PTPRD: variants seen among roughly 807,000 people sequenced by gnomAD.
The protein encoded by PTPRD is protein tyrosine phosphatase receptor type D.
In PTPRD, 34 loss-of-function variants were observed where a neutral mutation model predicts 214.5. The observed-to-expected ratio is 0.16, with a 90% CI of 0.12 to 0.21. PTPRD has a LOEUF of 0.21. Among genes scored for constraint, PTPRD ranks in the 10% least tolerant of loss-of-function variants. PTPRD has a pLI of 1.00. For synonymous variants in PTPRD, 1,128 were observed against 845.7 expected, an observed-to-expected ratio of 1.33 and a Z score of -5.79; for missense variants, 2,545 against 2,398.7, an observed-to-expected ratio of 1.06 and a Z score of -1.27.
rs537133609 is a variant in PTPRD, at chr9:9,367,710, G to C, written c.-203+29739C>G. 1.1e-4 allele frequency among the ~76,000 whole-genome samples: 16 copies of C among 151,692 alleles called. No individual in the cohort carries two copies. The East Asian group carries it at 3.1e-3, about 30-fold the overall frequency. Reference sequence around the variant, plus strand: ...AGAGACGTGTTCGGACAAAAAAATAGCTCCAATTTCCTGGGTGTGGAGAGG... The same window carrying C: ...AGAGACGTGTTCGGACAAAAAAATACCTCCAATTTCCTGGGTGTGGAGAGG... On this transcript the variant is annotated intron_variant, in intron 9 of 45. Coordinates refer to ENST00000381196, the MANE Select transcript of PTPRD (RefSeq NM_002839.4).
chr9:9,401,683 C>T (rs1489861413), intron 8 of PTPRD, among the ~76,000 whole-genome samples: 1 of 151,848 alleles, frequency 6.6e-6, no homozygotes, highest in East Asian at 1.9e-4. Context: ...ACCGGAATCG[C>T]ATCTTGAATT....
Position 8,315,077 on chromosome 9 carries a change from G to A in PTPRD, c.*2797C>T, listed in dbSNP as rs1820976341. 4.3e-6 allele frequency: 1 copy of A among 232,396 alleles called. No homozygotes were observed. Among genetic ancestry groups the A allele is most frequent in the Non-Finnish European group, 8.5e-6 (1 of 117,334 alleles). The allele number at this position is 232,396 out of a possible 1,614,324, so 14.4% of individuals were successfully genotyped here. A position where few individuals can be genotyped will look rare whatever the true frequency, so the allele number is the denominator to read the frequency against. On this transcript the variant is annotated 3_prime_UTR_variant, in exon 46 of 46. Transcript: ENST00000381196. ...ATAATAGCACCGTACTGGTTATGAT[G>A]ATGAAAATAACTGGAAACTTGAAAG...
intron 3 of PTPRD, among the ~76,000 whole-genome samples, chr9:10,308,701 G>A (rs2154415417): frequency 6.6e-6 from 1 of 152,146 alleles, no homozygotes. Context: ...ATCATGGGAT[G>A]TCTTTTCATT....
chr9:9,731,695 A>G (rs112716839), intron 7 of PTPRD, among the ~76,000 whole-genome samples: 2,637 of 152,266 alleles, frequency 0.017, 82 homozygotes, highest in African/African-American at 0.059. Context: ...ACATCTCAGC[A>G]AACTATCACA....
At chr9:10,600,466 C>T (rs1227967948) in intron 2 of PTPRD, among the ~76,000 whole-genome samples, 1 of 151,668 alleles carries the variant, frequency 6.6e-6, no homozygotes, top group African/African-American at 2.4e-5. Flanking sequence ...GATGTTAGAG[C>T]AACATCTCCA....
At chr9:9,577,321 T>G (rs995501756) in intron 7 of PTPRD, among the ~76,000 whole-genome samples, 19 of 152,164 alleles carry the variant, frequency 1.2e-4, no homozygotes, top group Admixed American at 2.6e-4. Context: ...CTCAGCACTT[T>G]GGGAGGCTGA....
chr9:10,459,190 T>C (rs1256571290), intron 2 of PTPRD, among the ~76,000 whole-genome samples: 3 of 152,136 alleles, frequency 2.0e-5, no homozygotes, highest in Non-Finnish European at 4.4e-5. Context: ...AGAATGATGG[T>C]TCCTAGCTTC....
chr9:10,596,772 A>G (rs1335042507), intron 2 of PTPRD, among the ~76,000 whole-genome samples: 1 of 151,598 alleles, frequency 6.6e-6, no homozygotes, highest in African/African-American at 2.4e-5. Flanking sequence ...ATATGTGAGA[A>G]CTGGCTAAAT....
chr9:8,411,750 A>C (rs916473357), intron 35 of PTPRD, among the ~76,000 whole-genome samples: 5 of 152,232 alleles, frequency 3.3e-5, no homozygotes, highest in African/African-American at 1.2e-4. Flanking sequence ...TTAGCTATTT[A>C]TCTCCTACAT....
chr9:9,844,379 T>C (rs969106711), intron 5 of PTPRD, among the ~76,000 whole-genome samples: 2 of 151,918 alleles, frequency 1.3e-5, no homozygotes, highest in African/African-American at 2.4e-5. Context: ...CTAATTTATA[T>C]AGGAAACTTT....
At chr9:9,907,881 G>C (rs115406245) in intron 5 of PTPRD, among the ~76,000 whole-genome samples, 1 of 151,868 alleles carries the variant, frequency 6.6e-6, no homozygotes, top group Non-Finnish European at 1.5e-5. Context: ...ATGTATTATA[G>C]AATTATAAAT....
In PTPRD at chr9:9,393,656, G is replaced by C. The variant is rs149133292; in HGVS notation, c.-203+3793C>G. ...TCCATAGCAACAGATAATTGATATA[G>C]TTGGGTTAAATTCAGCCTCCATTAT... On this transcript the variant is annotated intron_variant, in intron 9 of 45. Transcript: ENST00000381196. Among the ~76,000 whole-genome samples the C allele has an allele frequency of 6.3e-4, 96 of 152,252 alleles. 2 individuals are homozygous for C. In the East Asian group the frequency reaches 0.016, roughly 26 times the overall value.
intron 12 of PTPRD, among the ~76,000 whole-genome samples, chr9:8,664,385 G>A (rs1377735120): frequency 1.3e-5 from 2 of 152,310 alleles, no homozygotes; most frequent in East Asian, 1.9e-4. Context: ...GAGAACACAA[G>A]TGTGTAGATG....
intron 2 of PTPRD, among the ~76,000 whole-genome samples, chr9:10,394,056 TTATA>T (rs66596655): frequency 4.4e-4 from 62 of 140,062 alleles, no homozygotes; most frequent in Admixed American, 1.2e-3. Context: ...TATATACATA[TTATA>T]TATATATATA....
intron 9 of PTPRD, among the ~76,000 whole-genome samples, chr9:9,204,654 A>G (rs963134762): frequency 6.6e-6 from 1 of 152,192 alleles, no homozygotes; most frequent in Non-Finnish European, 1.5e-5. Flanking sequence ...AAACCAGTCA[A>G]TTCAATGATG....
At chr9:9,292,345 G>T (rs184755835) in intron 9 of PTPRD, among the ~76,000 whole-genome samples, 1 of 151,368 alleles carries the variant, frequency 6.6e-6, no homozygotes, top group East Asian at 2.0e-4. Context: ...GTCACTTTCC[G>T]CATGATGTAG....
intron 14 of PTPRD, among the ~76,000 whole-genome samples, chr9:8,614,570 T>A (rs1381456050): frequency 6.6e-6 from 1 of 152,192 alleles, no homozygotes; most frequent in Non-Finnish European, 1.5e-5. Flanking sequence ...ATTTTCCTTT[T>A]ATGTAGAGCC....
At chr9:9,492,126 C>A (rs770022525) in intron 8 of PTPRD, among the ~76,000 whole-genome samples, 1 of 151,740 alleles carries the variant, frequency 6.6e-6, no homozygotes, top group East Asian at 1.9e-4. Context: ...TGTATGCCAA[C>A]AATTTGGATA....
intron 6 of PTPRD, among the ~76,000 whole-genome samples, chr9:9,741,977 G>A (rs1376703504): frequency 6.6e-6 from 1 of 152,112 alleles, no homozygotes; most frequent in South Asian, 2.1e-4. Flanking sequence ...ACCTAGTAAT[G>A]CAATTGTTGG....
Sources: allele counts gnomAD v4.1 joint callset (sites outside exome capture counted in the v4.1 genomes callset), GRCh38; gene constraint gnomAD v4.1.1; transcripts MANE v1.5; gene names NCBI Gene and HGNC (gene_info 2026-07-23, HGNC 2026-07-21).